Variants in ZNF845 observed in about 807,000 individuals in gnomAD.
ZNF845 encodes zinc finger protein 845.
Under a neutral mutation model 76.1 loss-of-function variants are expected in ZNF845, and 59 were observed. The ratio of observed to expected loss-of-function variants is 0.78; its 90% CI spans 0.63 to 0.96. The LOEUF is 0.96. ZNF845 is among the 40% of genes least tolerant of loss of function. The probability of loss-of-function intolerance (pLI) is 0.00; values close to 1 mark genes in which losing one functional copy is unlikely to be tolerated. For synonymous variants in ZNF845, 361 were observed against 386.9 expected (o/e 0.93, Z 0.78); for missense variants, 1,045 against 1,172.8 (o/e 0.89, Z 1.59).
intron 1 of ZNF845, chr19:53,340,808 C>G (rs915638048): frequency 1.4e-5 from 5 of 351,100 alleles, no homozygotes; most frequent in Admixed American, 4.6e-5. Flanking sequence ...TGTCCTCCTC[C>G]CTCCCTCTGC....
In ZNF845 at chr19:53,353,764, TGA is replaced by T; in HGVS notation, c.*178_*179del. On this transcript the variant is annotated 3_prime_UTR_variant, in exon 4 of 4. Transcript: ENST00000458035. ...CTGGAGAGAAACCTTACAAGTGTACTGAGTGTGGCAAAGCCTTTAGTGGGCAG... is the reference window on the plus strand; with the variant it reads ...CTGGAGAGAAACCTTACAAGTGTACTGTGTGGCAAAGCCTTTAGTGGGCAG... 3 of 1,521,364 alleles carry T rather than the reference TGA, an allele frequency of 2.0e-6. No individual in the cohort carries two copies. The highest frequency in any genetic ancestry group is 2.6e-6 in the Non-Finnish European group (3 of 1,138,274). 94.2% of individuals were successfully genotyped at this position (1,521,364 alleles called of 1,614,324 possible).
At chr19:53,338,619 C>G (rs112482134) in intron 1 of ZNF845, among the ~76,000 whole-genome samples, 1,060 of 103,110 alleles carry the variant, frequency 0.01, 137 homozygotes, top group African/African-American at 0.038. Flanking sequence ...AACTGCAGCC[C>G]GAGGGCCACC....
At chr19:53,335,122 T>C (rs2147026532) in intron 1 of ZNF845, among the ~76,000 whole-genome samples, 1 of 152,270 alleles carries the variant, frequency 6.6e-6, no homozygotes, top group East Asian at 1.9e-4. Context: ...CCACTTGGAA[T>C]CCCTATTCAG....
chr19:53,349,699 G>A (rs1175018531), intron 3 of ZNF845, among the ~76,000 whole-genome samples: 3 of 151,948 alleles, frequency 2.0e-5, no homozygotes, highest in South Asian at 2.1e-4. Context: ...AAGGCTTTTC[G>A]GTATGTGGTA....
intron 1 of ZNF845, among the ~76,000 whole-genome samples, chr19:53,339,485 G>A (rs11672499): frequency 0.02 from 3,019 of 152,216 alleles, 62 homozygotes; most frequent in Middle Eastern, 0.044. Context: ...TTCCACCTTC[G>A]TGTCCGCTGT....
chr19:53,337,698 A>G (rs763986982), intron 1 of ZNF845, among the ~76,000 whole-genome samples: 1 of 152,068 alleles, frequency 6.6e-6, no homozygotes, highest in Non-Finnish European at 1.5e-5. Flanking sequence ...CCTCCTGAGT[A>G]GCTGGGATTA....
At chr19:53,341,031 C>G (rs2085252667) in intron 1 of ZNF845, 1 of 543,628 alleles carries the variant, frequency 1.8e-6, no homozygotes, top group Non-Finnish European at 3.2e-6. Context: ...CCCTCACCCC[C>G]TCCTCTGGTC....
At chr19:53,349,005 C>T (rs913857359) in intron 3 of ZNF845, among the ~76,000 whole-genome samples, 3 of 151,416 alleles carry the variant, frequency 2.0e-5, no homozygotes, top group African/African-American at 4.9e-5. Context: ...TACAGGCTCC[C>T]GCCACCATGC....
Position 53,354,352 on chromosome 19 carries a change from A to C in ZNF845, c.*764A>C. ...AATTGACTTAACATTGAGTTCAAGC[A>C]TTAATTGACATTAAAGTGTTTATGT... On this transcript the variant is annotated 3_prime_UTR_variant, in exon 4 of 4. Coordinates refer to ENST00000458035, the MANE Select transcript of ZNF845 (RefSeq NM_138374.3). The C allele has an allele frequency of 2.8e-6, 1 of 354,648 alleles. No individual in the cohort carries two copies. Among genetic ancestry groups the C allele is most frequent in the Non-Finnish European group, 5.7e-6 (1 of 174,720 alleles). 22.0% of individuals were successfully genotyped at this position (354,648 alleles called of 1,614,324 possible).
Position 53,348,448 on chromosome 19 carries a change from G to C in ZNF845, c.143-2370G>C, listed in dbSNP as rs548775658. On this transcript the variant is annotated intron_variant, in intron 3 of 3. Transcript: ENST00000458035. ...CTGCTGTGTCCTGACATGGTGGAAA[G>C]AGGAACAGGAAACGAGCTCTTTAAT... 9.2e-5 allele frequency among the ~76,000 whole-genome samples: 14 copies of C among 152,276 alleles called. No homozygotes were observed. The East Asian group carries it at 1.4e-3, about 15-fold the overall frequency.
chr19:53,351,520 A>G lies in ZNF845; in HGVS notation c.845A>G (p.Gln282Arg), dbSNP rs757922002. 6.2e-7 allele frequency: 1 copy of G among 1,614,206 alleles called. No homozygotes were observed. ...AATGATTGTGGCAAGACCTTCAGTC[A>G]GGAGTTAACCCTTACATGCCATCAT... The part of the protein sequence containing the change: ...KCNDCGKTFS[Q>R]ELTLTCHHRL... Residue 282 changes from glutamine to arginine, a missense_variant, in exon 4 of 4, where the codon CAG becomes CGG. Coordinates refer to ENST00000458035, the MANE Select transcript of ZNF845 (RefSeq NM_138374.3).
rs1331361338 is a variant in ZNF845 at position 53,353,628 on chromosome 19, A to C, written c.*40A>C. The C allele has an allele frequency of 6.5e-7, 1 of 1,532,496 alleles. No homozygotes were observed. Among genetic ancestry groups the C allele is most frequent in the African/African-American group, 1.4e-5 (1 of 72,150 alleles). 94.9% of individuals were successfully genotyped at this position (1,532,496 alleles called of 1,614,324 possible). A position where few individuals can be genotyped will look rare whatever the true frequency, so the allele number is the denominator to read the frequency against. On this transcript the variant is annotated 3_prime_UTR_variant, in exon 4 of 4. Transcript: ENST00000458035. ...TGACAAAGTTTACAGTTGTAAATCA[A>C]GTCTTGAAAGACAGGAGAATTCATA...
rs533185031 is a variant in ZNF845 at position 53,351,617 on chromosome 19, T to G, written c.942T>G (p.Leu314=). 1.2e-6 allele frequency: 2 copies of G among 1,613,944 alleles called. No individual in the cohort carries two copies. Among genetic ancestry groups the G allele is most frequent in the Non-Finnish European group, 1.7e-6 (2 of 1,179,956 alleles). ...AGACCTTCAGTCGAAATTCAGCCCTTGTAATTCATAAGGCAATTCATACTG... is the reference window on the plus strand; with the variant it reads ...AGACCTTCAGTCGAAATTCAGCCCTGGTAATTCATAAGGCAATTCATACTG... ...CGKTFSRNSA[L]VIHKAIHTGE... is the part of the protein sequence containing the mutation. Residue 314 remains leucine (L), a synonymous_variant, in exon 4 of 4, where the codon CTT becomes CTG. Coordinates refer to ENST00000458035, the MANE Select transcript of ZNF845 (RefSeq NM_138374.3).
Position 53,351,523 on chromosome 19 carries a change from A to G in ZNF845, c.848A>G (p.Glu283Gly). 6.2e-7 allele frequency: 1 copy of G among 1,613,642 alleles called. No homozygotes were observed. The highest frequency in any genetic ancestry group is 8.5e-7 in the Non-Finnish European group (1 of 1,179,862). Residue 283 changes from glutamate to glycine, a missense_variant, in exon 4 of 4, where the codon GAG (glutamate) becomes GGG (glycine). Physicochemically the swap from Glu to Gly is moderately conservative, Grantham distance 98. Transcript: ENST00000458035. ...CNDCGKTFSQELTLTCHHRLH... is the reference protein window; with the variant it reads ...CNDCGKTFSQGLTLTCHHRLH... ...GATTGTGGCAAGACCTTCAGTCAGG[A>G]GTTAACCCTTACATGCCATCATAGA...
chr19:53,339,469 C>G (rs2085240964), intron 1 of ZNF845, among the ~76,000 whole-genome samples: 1 of 152,186 alleles, frequency 6.6e-6, no homozygotes, highest in South Asian at 2.1e-4. Context: ...TCCCCTCCCT[C>G]AAGTCTTCCA....
Position 53,353,993 on chromosome 19 carries a change from G to T in ZNF845, c.*405G>T. On this transcript the variant is annotated 3_prime_UTR_variant, in exon 4 of 4. Transcript: ENST00000458035. ...AGTTCATCGGTGAACTCATGCTGGA[G>T]AGAAACCTTACAAATGTCATGATTG... 2.0e-6 allele frequency: 1 copy of T among 500,698 alleles called. No homozygotes were observed. The highest frequency in any genetic ancestry group is 1.9e-5 in the South Asian group (1 of 52,522). 31.0% of individuals were successfully genotyped at this position (500,698 alleles called of 1,614,324 possible). A position where few individuals can be genotyped will look rare whatever the true frequency, so the allele number is the denominator to read the frequency against.
intron 1 of ZNF845, among the ~76,000 whole-genome samples, chr19:53,338,916 T>TA (rs35457065): frequency 0.33 from 43,868 of 131,832 alleles, 6,607 homozygotes; most frequent in East Asian, 0.35. Context: ...CCATCTCTAC[T>TA]AAAAAAAAAA....
chr19:53,333,826 C>G (rs2085193142), intron 1 of ZNF845, 34 bp downstream of exon 1: 1 of 158,164 alleles, frequency 6.3e-6, no homozygotes, highest in Non-Finnish European at 1.4e-5. Flanking sequence ...TAAGTCTGCG[C>G]TTCCCAAGTC....
In ZNF845 at chr19:53,351,418, G is replaced by A; in HGVS notation, c.743G>A (p.Cys248Tyr). ...LGAKQYKCDV[C>Y]GKVFNQKRYL... Reference sequence around the variant, plus strand: ...GCGAAACAATATAAATGTGATGTGTGTGGCAAGGTCTTTAATCAAAAGCGA... The same window carrying A: ...GCGAAACAATATAAATGTGATGTGTATGGCAAGGTCTTTAATCAAAAGCGA... Residue 248 changes from cysteine (C) to tyrosine (Y), a missense_variant, in exon 4 of 4, where the codon TGT becomes TAT. By Grantham distance (194) the Cys-to-Tyr change is radical. Coordinates refer to ENST00000458035, the MANE Select transcript of ZNF845 (RefSeq NM_138374.3). 6.2e-7 allele frequency: 1 copy of A among 1,614,218 alleles called. No individual in the cohort carries two copies. Among genetic ancestry groups the A allele is most frequent in the Non-Finnish European group, 8.5e-7 (1 of 1,180,042 alleles).
Sources: allele counts gnomAD v4.1 joint callset (sites outside exome capture counted in the v4.1 genomes callset), GRCh38; gene constraint gnomAD v4.1.1; transcripts MANE v1.5; gene names NCBI Gene and HGNC (gene_info 2026-07-23, HGNC 2026-07-21).